STXBP5L: variants seen among roughly 807,000 people sequenced by gnomAD.
STXBP5L encodes the protein syntaxin-binding protein 5-like.
In STXBP5L, 65 loss-of-function variants were observed where a neutral mutation model predicts 144.5. The ratio of observed to expected loss-of-function variants is 0.45; its 90% CI spans 0.37 to 0.55. The LOEUF (loss-of-function observed/expected upper bound fraction) is 0.55. Ranked by LOEUF, STXBP5L falls within the 20% of genes least tolerant of loss-of-function variation. The pLI is 0.00. For synonymous variants in STXBP5L, 505 were observed against 469.6 expected (o/e 1.08, Z -0.97); for missense variants, 1,298 against 1,405.5 (o/e 0.92, Z 1.22).
intron 24 of STXBP5L, among the ~76,000 whole-genome samples, chr3:121,415,226 G>C (rs73191769): frequency 0.13 from 19,722 of 152,104 alleles, 1,484 homozygotes; most frequent in African/African-American, 0.19. Context: ...TAAAAATGTA[G>C]ATAACGAGAG....
intron 9 of STXBP5L, among the ~76,000 whole-genome samples, chr3:121,180,780 A>G (rs756587968): frequency 6.6e-6 from 1 of 152,212 alleles, no homozygotes; most frequent in Non-Finnish European, 1.5e-5. Flanking sequence ...AGGCTGAGGC[A>G]GGAGAATCAC....
chr3:121,394,602 G>GTTTTTTTTT (rs373859677), intron 22 of STXBP5L, among the ~76,000 whole-genome samples: 1 of 99,758 alleles, frequency 1.0e-5, no homozygotes, highest in Non-Finnish European at 1.9e-5. Context: ...TTTGTTGAGG[G>GTTTTTTTTT]TTTTTTTTTT....
At chr3:121,382,462 A>G (rs1248021549) in intron 22 of STXBP5L, among the ~76,000 whole-genome samples, 2 of 152,128 alleles carry the variant, frequency 1.3e-5, no homozygotes, top group Non-Finnish European at 2.9e-5. Flanking sequence ...TATATTCCTA[A>G]TTATAAAGAA....
At chr3:121,308,765 C>T (rs2108507405) in intron 19 of STXBP5L, among the ~76,000 whole-genome samples, 1 of 151,846 alleles carries the variant, frequency 6.6e-6, no homozygotes, top group Admixed American at 6.6e-5. Context: ...TATTTCTTAG[C>T]TTTTATAAAA....
intron 3 of STXBP5L, among the ~76,000 whole-genome samples, chr3:121,023,656 T>C (rs551483648): frequency 2.0e-5 from 3 of 152,284 alleles, no homozygotes; most frequent in South Asian, 4.1e-4. Context: ...CAAATGGTGC[T>C]GGGATAATTG....
chr3:121,074,876 C>G (rs1380607684), intron 5 of STXBP5L, among the ~76,000 whole-genome samples: 1 of 152,174 alleles, frequency 6.6e-6, no homozygotes, highest in Non-Finnish European at 1.5e-5. Context: ...CTGCTGTCCT[C>G]CAATCACACA....
intron 5 of STXBP5L, among the ~76,000 whole-genome samples, chr3:121,092,911 T>A (rs990449814): frequency 6.6e-6 from 1 of 152,234 alleles, no homozygotes; most frequent in African/African-American, 2.4e-5. Context: ...TGTGGGTTTG[T>A]CATAGATAGC....
intron 15 of STXBP5L, among the ~76,000 whole-genome samples, chr3:121,252,292 G>A (rs938123676): frequency 6.6e-6 from 1 of 151,060 alleles, no homozygotes; most frequent in Non-Finnish European, 1.5e-5. Flanking sequence ...CTGGAATCTG[G>A]GAGGCAGAGG....
At position 121,208,516 on chromosome 3, in the gene STXBP5L, G is replaced by C. The variant is rs938113465; in HGVS notation, c.956+2515G>C. Among the ~76,000 whole-genome samples the C allele has an allele frequency of 2.0e-5, 3 of 150,758 alleles. No homozygotes were observed. In the South Asian group the frequency reaches 6.3e-4, roughly 31 times the overall value. On this transcript the variant is annotated intron_variant, in intron 10 of 26. Transcript: ENST00000471454. ...AATACTAATAACAAAAAAACCCACT[G>C]TTTTATACCATTATAACTAAAGTAT...
At chr3:120,914,770 G>A (rs1319085651) in intron 2 of STXBP5L, among the ~76,000 whole-genome samples, 1 of 152,146 alleles carries the variant, frequency 6.6e-6, no homozygotes, top group Non-Finnish European at 1.5e-5. Context: ...AAAAAGCACA[G>A]TAGAGGCATC....
intron 18 of STXBP5L, among the ~76,000 whole-genome samples, chr3:121,266,172 CA>C (rs1402066486): frequency 1.3e-5 from 2 of 152,092 alleles, no homozygotes; most frequent in South Asian, 2.1e-4. Flanking sequence ...AGAGACACAA[CA>C]AAAAAAGAAA....
chr3:121,187,906 A>G (rs1457535932), intron 9 of STXBP5L, among the ~76,000 whole-genome samples: 1 of 152,164 alleles, frequency 6.6e-6, no homozygotes, highest in East Asian at 1.9e-4. Context: ...ACTCTCTGAT[A>G]AAACAGACTT....
chr3:120,998,256 TA>T (rs1285922547), intron 3 of STXBP5L, among the ~76,000 whole-genome samples: 1 of 152,050 alleles, frequency 6.6e-6, no homozygotes, highest in East Asian at 1.9e-4. Context: ...GAGAAAGAAG[TA>T]AAGTCCTCCA....
intron 11 of STXBP5L, among the ~76,000 whole-genome samples, chr3:121,231,016 A>G (rs376610254): frequency 1.2e-4 from 18 of 152,308 alleles, no homozygotes; most frequent in Non-Finnish European, 1.9e-4. Context: ...CCCCAGTCCC[A>G]TTATTTTTAA....
chr3:121,135,575 C>G (rs1301689987), intron 7 of STXBP5L, among the ~76,000 whole-genome samples: 1 of 152,156 alleles, frequency 6.6e-6, no homozygotes, highest in Non-Finnish European at 1.5e-5. Flanking sequence ...AACCTAGATC[C>G]CTTGCATGTG....
chr3:121,129,648 A>G (rs1215152451), intron 7 of STXBP5L, among the ~76,000 whole-genome samples: 1 of 152,108 alleles, frequency 6.6e-6, no homozygotes, highest in Admixed American at 6.6e-5. Context: ...ACTGCAGTGT[A>G]AATTCAAAAT....
chr3:121,166,043 G>C (rs2046487718), intron 9 of STXBP5L, among the ~76,000 whole-genome samples: 1 of 151,100 alleles, frequency 6.6e-6, no homozygotes, highest in Non-Finnish European at 1.5e-5. Flanking sequence ...GACAGGGTCT[G>C]GCTCTGTCAC....
chr3:121,398,462 C>G (rs1224668320), intron 22 of STXBP5L, among the ~76,000 whole-genome samples: 1 of 152,258 alleles, frequency 6.6e-6, no homozygotes, highest in African/African-American at 2.4e-5. Context: ...GGATGGGCCC[C>G]TCATGGCTTT....
chr3:121,233,681 C>T lies in STXBP5L; in HGVS notation c.1177C>T (p.Gln393Ter). Residue 393 changes from glutamine (Q) to a stop codon, truncating the protein, a stop_gained, in exon 12 of 27, where the codon CAA becomes TAA. Transcript: ENST00000471454. LOFTEE classifies it high-confidence loss of function. ...AGATCTCATTGTAGTTGATCTGACA[C>T]AAAGCAAGTAAGTTATCCATGTACA... The part of the protein sequence containing the change: ...EKDLIVVDLT[Q>*]SNFPIFENPY... 6.2e-7 allele frequency: 1 copy of T among 1,610,602 alleles called. No homozygotes were observed.
Sources: gnomAD v4.1 joint callset for allele counts (sites outside exome capture counted in the v4.1 genomes callset) on GRCh38, gnomAD v4.1.1 for gene constraint, MANE v1.5 for transcripts, NCBI Gene and HGNC (gene_info 2026-07-23, HGNC 2026-07-21) for gene names.